The following POLR1B variants were observed in gnomAD, a reference collection of about 807,000 sequenced individuals.
POLR1B encodes the protein DNA-directed RNA polymerase I subunit RPA2.
A neutral mutation model predicts 105.8 loss-of-function variants in POLR1B; 30 were observed. The observed-to-expected ratio is 0.28, with a 90% CI of 0.21 to 0.38. The LOEUF is 0.38. Ranked by LOEUF, POLR1B falls within the 10% of genes least tolerant of loss-of-function variation. The probability of loss-of-function intolerance (pLI) is 1.00; values close to 1 mark genes in which losing one functional copy is unlikely to be tolerated. For synonymous variants in POLR1B, 485 were observed against 505.1 expected, an observed-to-expected ratio of 0.96 and a Z score of 0.53; for missense variants, 976 against 1,435.8, an observed-to-expected ratio of 0.68 and a Z score of 5.17.
chr2:112,571,351 T>C (rs573563487), intron 12 of POLR1B, among the ~76,000 whole-genome samples: 1 of 152,328 alleles, frequency 6.6e-6, no homozygotes, highest in South Asian at 2.1e-4. Context: ...GTTAGGGTCC[T>C]CTGAAGAGGA....
chr2:112,543,244 G>A (rs1432129329), intron 1 of POLR1B, among the ~76,000 whole-genome samples: 3 of 152,216 alleles, frequency 2.0e-5, no homozygotes, highest in Admixed American at 1.3e-4. Flanking sequence ...AGTATGGTGG[G>A]GGAAAGCTTC....
chr2:112,574,758 T>A, intron 14 of POLR1B, 89 bp from the exon 15 acceptor site: 164 of 966,292 alleles, frequency 1.7e-4, no homozygotes, highest in Middle Eastern at 2.5e-4. Context: ...TTTACAAATA[T>A]CCTTTATGAA....
At chr2:112,542,072 C>A (rs922359844), upstream of POLR1B, 1 of 1,526,538 alleles carries the variant, frequency 6.6e-7, no homozygotes, top group African/African-American at 1.4e-5. Flanking sequence ...TCGGCATCAG[C>A]GTGGGACTGG....
Position 112,568,068 on chromosome 2 carries a change from T to C in POLR1B, c.1848T>C (p.Pro616=), listed in dbSNP as rs1684396456. Residue 616 remains proline, a synonymous_variant, in exon 11 of 15, where the codon CCT becomes CCC. Coordinates refer to ENST00000263331, the MANE Select transcript of POLR1B (RefSeq NM_019014.6). ...LYPGLFLFTT[P]CRLVRPVQNL... ...CAGGATTGTTCCTTTTTACCACTCCTTGTAGACTGGTACGGCCTGTGCAGA... is the reference window on the plus strand; with the variant it reads ...CAGGATTGTTCCTTTTTACCACTCCCTGTAGACTGGTACGGCCTGTGCAGA... The C allele has an allele frequency of 6.2e-7, 1 of 1,613,998 alleles. No homozygotes were observed. Among genetic ancestry groups the C allele is most frequent in the Admixed American group, 1.7e-5 (1 of 60,006 alleles).
In POLR1B at chr2:112,559,225, A is replaced by G. The variant is rs149293807; in HGVS notation, c.1331-68A>G. ...TAGAGTGCTCTGAGGTTTTGTCGTC[A>G]TAAAGCCTCAACAATTTCCATTTTT... On this transcript the variant is annotated intron_variant, in intron 8 of 14. Coordinates refer to ENST00000263331, the MANE Select transcript of POLR1B (RefSeq NM_019014.6). 5.6e-4 allele frequency: 872 copies of G among 1,567,808 alleles called. 7 individuals are homozygous for G. The African/African-American group carries it at 0.01, about 18-fold the overall frequency.
intron 1 of POLR1B, among the ~76,000 whole-genome samples, chr2:112,545,317 A>G (rs1216888975): frequency 6.6e-6 from 1 of 152,130 alleles, no homozygotes; most frequent in Non-Finnish European, 1.5e-5. Context: ...AAGGTTGTGT[A>G]TTGATCAGTG....
At chr2:112,572,376 G>A (rs558254577) in intron 12 of POLR1B, among the ~76,000 whole-genome samples, 186 bp from the exon 13 acceptor site, 68 of 152,266 alleles carry the variant, frequency 4.5e-4, no homozygotes, top group Admixed American at 1.2e-3. Flanking sequence ...GTCTGGTCAC[G>A]TTGATACATT....
chr2:112,561,158 A>G (rs1282024218), intron 9 of POLR1B, among the ~76,000 whole-genome samples: 1 of 152,164 alleles, frequency 6.6e-6, no homozygotes, highest in Non-Finnish European at 1.5e-5. Flanking sequence ...TAATCAGCGT[A>G]ATTTGAAGGT....
At chr2:112,554,439 T>G (rs1276305292) in intron 7 of POLR1B, 3 of 152,072 alleles carry the variant, frequency 2.0e-5, no homozygotes, top group Non-Finnish European at 4.4e-5. Flanking sequence ...GGCCTTCTAA[T>G]TTCTTATCTA....
intron 4 of POLR1B, among the ~76,000 whole-genome samples, chr2:112,550,201 A>G (rs1419944318): frequency 6.6e-6 from 1 of 152,174 alleles, no homozygotes; most frequent in East Asian, 1.9e-4. Context: ...CCATAGGTGA[A>G]TGTGGGCCTT....
intron 4 of POLR1B, 153 bp from the exon 5 acceptor site, chr2:112,550,713 G>A: frequency 1.4e-6 from 1 of 702,494 alleles, no homozygotes; most frequent in Non-Finnish European, 2.3e-6. Context: ...GACATTTGCT[G>A]AGGTTTAGAA....
chr2:112,547,558 G>A lies in POLR1B; in HGVS notation c.483G>A (p.Glu161=). 6.2e-7 allele frequency: 1 copy of A among 1,614,042 alleles called. No homozygotes were observed. Among genetic ancestry groups the A allele is most frequent in the Non-Finnish European group, 8.5e-7 (1 of 1,179,994 alleles). ...LPPQALIEHH[E]EAEEMGGYFI... ...CACAAGCCCTCATTGAGCACCATGA[G>A]GAGGCAGAGGTAATGACGGGCGTCC... The change falls in exon 3 of 15, where the codon GAG becomes GAA. Residue 161 remains glutamate, a synonymous_variant. Transcript: ENST00000263331.
chr2:112,561,807 C>T (rs1029667128), intron 9 of POLR1B, among the ~76,000 whole-genome samples: 4 of 152,032 alleles, frequency 2.6e-5, no homozygotes, highest in South Asian at 2.1e-4. Flanking sequence ...GTGCTGCACT[C>T]GGAGGCAATT....
At position 112,568,767 on chromosome 2, in the gene POLR1B, T is replaced by G; in HGVS notation, c.1939T>G (p.Phe647Val). The change falls in exon 12 of 15, where the codon TTT becomes GTT. Residue 647 changes from phenylalanine to valine, a missense_variant. By Grantham distance (50) the Phe-to-Val change is conservative. Transcript: ENST00000263331. ...CCAGATCTTCATGAATGTCGCTATC[T>G]TTGAGGATGAAGTTTTTGCTGGAGT... ...MEQIFMNVAI[F>V]EDEVFAGVTT... 12 of 1,614,116 alleles carry G rather than the reference T, an allele frequency of 7.4e-6. No homozygotes were observed. The highest frequency in any genetic ancestry group is 1.0e-5 in the Non-Finnish European group (12 of 1,180,006).
intron 9 of POLR1B, among the ~76,000 whole-genome samples, chr2:112,561,075 AG>A (rs2104546691): frequency 6.7e-6 from 1 of 148,922 alleles, no homozygotes; most frequent in South Asian, 2.2e-4. Context: ...AAAAAAAAAA[AG>A]AGAGAGAGAG....
chr2:112,567,295 TTTGTTGTTG>T (rs202228965), intron 10 of POLR1B, among the ~76,000 whole-genome samples: 5 of 151,506 alleles, frequency 3.3e-5, no homozygotes, highest in Non-Finnish European at 7.4e-5. Context: ...GACACATGGG[TTTGTTGTTG>T]TTGTTGTTGT....
At chr2:112,552,880 C>A in intron 7 of POLR1B, 64 bp downstream of exon 7, 1 of 1,345,942 alleles carries the variant, frequency 7.4e-7, no homozygotes, top group Non-Finnish European at 9.8e-7. Flanking sequence ...TGACTTTGTC[C>A]AGCAGCACTG....
At chr2:112,562,633 C>T (rs1218086771) in intron 9 of POLR1B, among the ~76,000 whole-genome samples, 1 of 151,908 alleles carries the variant, frequency 6.6e-6, no homozygotes, top group East Asian at 1.9e-4. Context: ...AATCTTTTTG[C>T]TGGTGGAAGG....
At chr2:112,567,013 G>C (rs1305669193) in intron 10 of POLR1B, among the ~76,000 whole-genome samples, 1 of 152,050 alleles carries the variant, frequency 6.6e-6, no homozygotes, top group African/African-American at 2.4e-5. Context: ...CTTTTTTATA[G>C]AGAATTTATT....
Sources: gnomAD v4.1 joint callset for allele counts (sites outside exome capture counted in the v4.1 genomes callset) on GRCh38, gnomAD v4.1.1 for gene constraint, MANE v1.5 for transcripts, NCBI Gene and HGNC (gene_info 2026-07-23, HGNC 2026-07-21) for gene names.